DHRS3: variants seen among roughly 807,000 people sequenced by gnomAD.
DHRS3 encodes the protein short-chain dehydrogenase/reductase 3.
In DHRS3, 14 loss-of-function variants were observed where a neutral mutation model predicts 27.2. That is an observed-to-expected ratio of 0.52 (90% CI 0.34 to 0.81). DHRS3 has a LOEUF of 0.81. Ranked by LOEUF, DHRS3 falls within the 30% of genes least tolerant of loss-of-function variation. DHRS3 has a pLI of 0.01. For missense variants in DHRS3, 322 were observed against 406.2 expected (o/e 0.79, Z 1.78); for synonymous variants, 165 against 175.9 (o/e 0.94, Z 0.49).
At position 12,568,241 on chromosome 1, in the gene DHRS3, AC is replaced by A; in HGVS notation, c.*98del. 1 of 1,157,220 alleles carries A rather than the reference AC, an allele frequency of 8.6e-7. No individual in the cohort carries two copies. Among genetic ancestry groups the A allele is most frequent in the South Asian group, 1.2e-5 (1 of 80,114 alleles). 71.7% of individuals were successfully genotyped at this position (1,157,220 alleles called of 1,614,324 possible). On this transcript the variant is annotated 3_prime_UTR_variant, in exon 6 of 6. Coordinates refer to ENST00000616661, the MANE Select transcript of DHRS3 (RefSeq NM_004753.7). ...GCTGGGGACAGGAGCTGTCCTGCTCACCCAGCAGAAGCATGCCAATGGACAG... is the reference window on the plus strand; with the variant it reads ...GCTGGGGACAGGAGCTGTCCTGCTCACCAGCAGAAGCATGCCAATGGACAG...
chr1:12,584,757 G>A (rs1359867190), intron 1 of DHRS3, among the ~76,000 whole-genome samples: 1 of 152,218 alleles, frequency 6.6e-6, no homozygotes, highest in Non-Finnish European at 1.5e-5. Flanking sequence ...AGCTTTCACA[G>A]GGCAAGGCTT....
chr1:12,614,528 C>T (rs2100730470), intron 1 of DHRS3, among the ~76,000 whole-genome samples: 1 of 151,656 alleles, frequency 6.6e-6, no homozygotes, highest in Non-Finnish European at 1.5e-5. Context: ...AAAAAAAAAC[C>T]CTCGCTTATT....
chr1:12,577,443 T>C (rs1380718051), intron 4 of DHRS3, among the ~76,000 whole-genome samples: 1 of 152,174 alleles, frequency 6.6e-6, no homozygotes, highest in Non-Finnish European at 1.5e-5. Flanking sequence ...CCACCCCAGG[T>C]GGCATGAGCT....
In DHRS3 at chr1:12,586,767, A is replaced by T. The variant is rs1417109199; in HGVS notation, c.196-6101T>A. Among the ~76,000 whole-genome samples the T allele has an allele frequency of 6.6e-6, 1 of 152,164 alleles. No homozygotes were observed. The highest frequency in any genetic ancestry group is 1.5e-5 in the Non-Finnish European group (1 of 68,012). On this transcript the variant is annotated intron_variant, in intron 1 of 5. Coordinates refer to ENST00000616661, the MANE Select transcript of DHRS3 (RefSeq NM_004753.7). The surrounding 1 kb of genome is among the most constrained non-coding windows in gnomAD (Gnocchi z 5.0). ...ACTGAATAATGGAGCTGGGATTTGA[A>T]CCAAGGTCATGTCCAGCTCCACAGG...
chr1:12,583,283 C>G (rs1189394265), intron 1 of DHRS3, among the ~76,000 whole-genome samples: 1 of 149,454 alleles, frequency 6.7e-6, no homozygotes, highest in Admixed American at 6.7e-5. Context: ...CCTCACTTAC[C>G]CCATTCCATT....
chr1:12,593,944 C>G lies in DHRS3; in HGVS notation c.196-13278G>C, dbSNP rs1338973546. Among the ~76,000 whole-genome samples the G allele has an allele frequency of 6.6e-6, 1 of 152,238 alleles. No individual in the cohort carries two copies. Among genetic ancestry groups the G allele is most frequent in the Non-Finnish European group, 1.5e-5 (1 of 68,040 alleles). On this transcript the variant is annotated intron_variant, in intron 1 of 5. Transcript: ENST00000616661. This position sits in a 1 kb window ranked among gnomAD's most constrained non-coding sequence, Gnocchi z 4.6. Reference sequence around the variant, plus strand: ...GACTGGCCAGGGGCTCCACCTCCATCTGACTGCCCAGGGCCGCACTTGGCA... The same window carrying G: ...GACTGGCCAGGGGCTCCACCTCCATGTGACTGCCCAGGGCCGCACTTGGCA...
chr1:12,609,330 CT>C (rs1214231055), intron 1 of DHRS3, among the ~76,000 whole-genome samples: 1 of 152,044 alleles, frequency 6.6e-6, no homozygotes, highest in Non-Finnish European at 1.5e-5. Flanking sequence ...CTGGTTGTCA[CT>C]TCCTCACCTA....
At chr1:12,568,575 A>C in intron 5 of DHRS3, 151 bp from the exon 6 acceptor site, 2 of 686,072 alleles carry the variant, frequency 2.9e-6, no homozygotes, top group Non-Finnish European at 2.6e-6. Flanking sequence ...TTTCTCCCCA[A>C]ACCCCCACCC....
intron 2 of DHRS3, chr1:12,580,251 A>G: frequency 4.1e-6 from 2 of 485,224 alleles, no homozygotes; most frequent in Non-Finnish European, 7.6e-6. Flanking sequence ...CCAGAGGCCA[A>G]TGGGACATTT....
rs538240047 is a variant in DHRS3, at chr1:12,601,203, C to T, written c.195+15951G>A. Among the ~76,000 whole-genome samples the T allele has an allele frequency of 6.6e-5, 10 of 152,160 alleles. No individual in the cohort carries two copies. The South Asian group carries it at 1.2e-3, about 19-fold the overall frequency. ...ATCTGCCCTGCAGAAGCCGACCTCCCGACTCCCAAACCCTATGGCTTGGCT... is the reference window on the plus strand; with the variant it reads ...ATCTGCCCTGCAGAAGCCGACCTCCTGACTCCCAAACCCTATGGCTTGGCT... On this transcript the variant is annotated intron_variant, in intron 1 of 5. Coordinates refer to ENST00000616661, the MANE Select transcript of DHRS3 (RefSeq NM_004753.7).
intron 2 of DHRS3, chr1:12,579,837 A>T (rs992448007): frequency 5.5e-6 from 1 of 182,364 alleles, no homozygotes; most frequent in Non-Finnish European, 1.2e-5. Flanking sequence ...GAGTCCATTT[A>T]TGATCAATCA....
At chr1:12,585,211 A>ATCTCTGTGAGTGTGTG (rs1553139820) in intron 1 of DHRS3, among the ~76,000 whole-genome samples, 5 of 140,178 alleles carry the variant, frequency 3.6e-5, no homozygotes, top group Non-Finnish European at 6.0e-5. Context: ...GTGTCTGTGT[A>ATCTCTGTGAGTGTGTG]TCTCTGTGTG....
chr1:12,575,047 C>T (rs1010580264), intron 4 of DHRS3, among the ~76,000 whole-genome samples: 3 of 152,126 alleles, frequency 2.0e-5, no homozygotes, highest in African/African-American at 7.2e-5. Context: ...GCTCAATTGG[C>T]TGGGCGTGGT....
At chr1:12,610,943 T>C (rs144581999) in intron 1 of DHRS3, among the ~76,000 whole-genome samples, 119 of 152,052 alleles carry the variant, frequency 7.8e-4, no homozygotes, top group African/African-American at 2.4e-3. Context: ...TGCTCAAAAC[T>C]GTGGTAGGAT....
At chr1:12,607,089 A>G (rs1322354059) in intron 1 of DHRS3, among the ~76,000 whole-genome samples, 1 of 152,152 alleles carries the variant, frequency 6.6e-6, no homozygotes, top group African/African-American at 2.4e-5. Context: ...GTTAGCCAAA[A>G]CTTTAACAGA....
At chr1:12,585,813 C>T (rs1308237536) in intron 1 of DHRS3, among the ~76,000 whole-genome samples, 4 of 152,138 alleles carry the variant, frequency 2.6e-5, no homozygotes, top group East Asian at 3.9e-4. Flanking sequence ...ACTGGGCGGG[C>T]GGAGGCGGGC....
Position 12,580,511 on chromosome 1 carries a change from C to T in DHRS3, c.339+12G>A. On this transcript the variant is annotated intron_variant, in intron 2 of 5. Coordinates refer to ENST00000616661, the MANE Select transcript of DHRS3 (RefSeq NM_004753.7). ...CAGCTGTGCTAGGAATAGACCCTCC[C>T]AGGCTACAGACCTTCTCCCGGACGG... The T allele has an allele frequency of 6.2e-7, 1 of 1,614,156 alleles. No homozygotes were observed. Among genetic ancestry groups the T allele is most frequent in the Non-Finnish European group, 8.5e-7 (1 of 1,180,024 alleles).
At position 12,578,778 on chromosome 1, in the gene DHRS3, C is replaced by A; in HGVS notation, c.638G>T (p.Ser213Ile). Residue 213 changes from serine (S) to isoleucine (I), a missense_variant, in exon 4 of 6, where the codon AGC becomes ATC. Ser to Ile is a moderately radical substitution (Grantham distance 142, BLOSUM62 -2). Coordinates refer to ENST00000616661, the MANE Select transcript of DHRS3 (RefSeq NM_004753.7). The surrounding 1 kb of genome is among the most constrained non-coding windows in gnomAD (Gnocchi z 4.5). ...GTGGAAGGGCAGCACTGTGGTGGCGCTGACTCCCGGACAGTCCAGCAGCCC... is the reference window on the plus strand; with the variant it reads ...GTGGAAGGGCAGCACTGTGGTGGCGATGACTCCCGGACAGTCCAGCAGCCC... ...TLGLLDCPGVSATTVLPFHTS... is the reference protein window; with the variant it reads ...TLGLLDCPGVIATTVLPFHTS... 1 of 1,614,118 alleles carries A rather than the reference C, an allele frequency of 6.2e-7. No homozygotes were observed. Among genetic ancestry groups the A allele is most frequent in the Non-Finnish European group, 8.5e-7 (1 of 1,180,032 alleles).
intron 1 of DHRS3, among the ~76,000 whole-genome samples, chr1:12,595,702 C>A (rs1036226915): frequency 7.9e-6 from 1 of 126,830 alleles, no homozygotes; most frequent in African/African-American, 3.1e-5. Flanking sequence ...GGCCGAGGTG[C>A]GGTCAGGGTG....
Sources: allele counts gnomAD v4.1 joint callset (sites outside exome capture counted in the v4.1 genomes callset), GRCh38; gene constraint gnomAD v4.1.1; non-coding constraint Gnocchi (gnomAD v3.1); transcripts MANE v1.5; gene names NCBI Gene and HGNC (gene_info 2026-07-23, HGNC 2026-07-21).